Variants in MAOA observed in about 807,000 individuals in gnomAD.
MAOA encodes monoamine oxidase A.
In MAOA, 6 loss-of-function variants were observed where a neutral mutation model predicts 42.0. That is an observed-to-expected ratio of 0.14 (90% CI 0.08 to 0.28). The LOEUF (loss-of-function observed/expected upper bound fraction) is 0.28, where lower values mean the gene tolerates loss of function less well. Among genes scored for constraint, MAOA ranks in the 10% least tolerant of loss-of-function variants. MAOA has a pLI of 1.00. For missense variants in MAOA, 262 were observed against 422.3 expected (o/e 0.62, Z 3.33); for synonymous variants, 140 against 154.0 (o/e 0.91, Z 0.67).
chrX:43,703,480 G>A (rs1442976789), intron 3 of MAOA, among the ~76,000 whole-genome samples: 2 of 111,810 alleles, frequency 1.8e-5, no homozygotes, highest in Non-Finnish European at 3.8e-5. Flanking sequence ...GTGCCCTTTT[G>A]TCCAGAAGGG....
In MAOA at chrX:43,740,702, C is replaced by G. The variant is rs139933657; in HGVS notation, c.1128C>G (p.Leu376=). 1.7e-6 allele frequency: 2 copies of G among 1,191,269 alleles called. No individual in the cohort carries two copies. Among genetic ancestry groups the G allele is most frequent in the African/African-American group, 3.6e-5 (2 of 55,294 alleles). The change falls in exon 11 of 15, where the codon CTC becomes CTG. Residue 376 remains leucine (L), a synonymous_variant. Coordinates refer to ENST00000338702, the MANE Select transcript of MAOA (RefSeq NM_000240.4). The part of the protein sequence containing the change: ...KEIRKKKICE[L]YAKVLGSQEA... Reference sequence around the variant, plus strand: ...ATAGGAAGAAGAAAATCTGTGAGCTCTATGCCAAAGTGCTGGGATCCCAAG... The same window carrying G: ...ATAGGAAGAAGAAAATCTGTGAGCTGTATGCCAAAGTGCTGGGATCCCAAG...
chrX:43,733,063 T>C (rs1270742914), intron 9 of MAOA, among the ~76,000 whole-genome samples: 3 of 111,803 alleles, frequency 2.7e-5, no homozygotes, highest in Admixed American at 1.9e-4. Context: ...GAGGATGGAG[T>C]GAAAAAAAGC....
intron 5 of MAOA, among the ~76,000 whole-genome samples, chrX:43,727,460 G>A (rs1333930941): frequency 1.8e-5 from 2 of 112,204 alleles, no homozygotes. Context: ...TGTTTACACT[G>A]TGAGCATAAA....
intron 1 of MAOA, among the ~76,000 whole-genome samples, chrX:43,670,926 G>C (rs2033326740): frequency 1.9e-5 from 2 of 107,397 alleles, no homozygotes; most frequent in Non-Finnish European, 3.8e-5. Flanking sequence ...CTTTATAGCA[G>C]CATGATTTAT....
intron 1 of MAOA, among the ~76,000 whole-genome samples, chrX:43,672,328 T>C (rs1211849390): frequency 9.0e-6 from 1 of 111,209 alleles, no homozygotes; most frequent in Non-Finnish European, 1.9e-5. Context: ...GCTTATCAGC[T>C]TAAGGAGATT....
At chrX:43,697,639 T>C (rs973521963) in intron 3 of MAOA, among the ~76,000 whole-genome samples, 1 of 112,285 alleles carries the variant, frequency 8.9e-6, no homozygotes, top group African/African-American at 3.2e-5. Flanking sequence ...TCTCACATAC[T>C]TTAACCTTTC....
At chrX:43,714,025 C>T (rs2033718676) in intron 5 of MAOA, among the ~76,000 whole-genome samples, 1 of 109,980 alleles carries the variant, frequency 9.1e-6, no homozygotes, top group Non-Finnish European at 1.9e-5. Context: ...TCGTACCTTC[C>T]AGGAGTAACC....
At chrX:43,683,781 G>T (rs929029207) in intron 2 of MAOA, among the ~76,000 whole-genome samples, 174 bp downstream of exon 2, 4 of 111,282 alleles carry the variant, frequency 3.6e-5, no homozygotes, top group Non-Finnish European at 7.5e-5. Context: ...TAACATGTAC[G>T]CACTGAAGAC....
chrX:43,670,913 T>C (rs1217892337), intron 1 of MAOA, among the ~76,000 whole-genome samples: 4 of 107,712 alleles, frequency 3.7e-5, no homozygotes, highest in Non-Finnish European at 5.7e-5. Flanking sequence ...TGTGTGCATG[T>C]GTCTTTATAG....
At chrX:43,711,079 A>G (rs927137639) in intron 3 of MAOA, among the ~76,000 whole-genome samples, 1 of 111,678 alleles carries the variant, frequency 9.0e-6, no homozygotes, top group African/African-American at 3.3e-5. Flanking sequence ...GAGTCCTCTG[A>G]GAGTGTATGA....
In MAOA at chrX:43,744,100, T is replaced by G. The variant is rs976457052; in HGVS notation, c.1375-9T>G. The G allele has an allele frequency of 8.3e-7, 1 of 1,207,831 alleles. No individual in the cohort carries two copies. Among genetic ancestry groups the G allele is most frequent in the Non-Finnish European group, 1.1e-6 (1 of 892,231 alleles). On this transcript the variant is annotated splice_polypyrimidine_tract_variant and intron_variant, in intron 13 of 14. Coordinates refer to ENST00000338702, the MANE Select transcript of MAOA (RefSeq NM_000240.4). ...CTCTTTTCATAATACCATGGTGACT[T>G]TCTTTCAGGTCTTAAATGGTCTCGG...
At chrX:43,722,678 C>G (rs1160165899) in intron 5 of MAOA, among the ~76,000 whole-genome samples, 2 of 111,887 alleles carry the variant, frequency 1.8e-5, no homozygotes. Context: ...TGTGCCAAAG[C>G]TCTTTAGTTT....
At chrX:43,715,772 G>C (rs916372135) in intron 5 of MAOA, among the ~76,000 whole-genome samples, 8 of 110,811 alleles carry the variant, frequency 7.2e-5, no homozygotes, top group African/African-American at 2.6e-4. Context: ...ACAAGGCCAA[G>C]GGGGGAGACA....
intron 5 of MAOA, among the ~76,000 whole-genome samples, chrX:43,718,819 T>C (rs943307604): frequency 9.1e-6 from 1 of 110,079 alleles, no homozygotes; most frequent in Non-Finnish European, 1.9e-5. Flanking sequence ...GCAGAGAACA[T>C]TGGCTTGTTG....
chrX:43,694,871 G>A (rs1406713972), intron 3 of MAOA, among the ~76,000 whole-genome samples: 1 of 111,693 alleles, frequency 9.0e-6, no homozygotes, highest in Admixed American at 9.5e-5. Flanking sequence ...TGATTATCTT[G>A]GAATCTGTGC....
At chrX:43,728,390 A>G (rs781522867) in intron 6 of MAOA, 76 bp downstream of exon 6, 278 of 1,047,890 alleles carry the variant, frequency 2.7e-4, no homozygotes, top group Non-Finnish European at 3.2e-4. Flanking sequence ...AGTGTCTTTA[A>G]TAGTTGCTTC....
At chrX:43,726,460 G>A (rs1007749916) in intron 5 of MAOA, among the ~76,000 whole-genome samples, 31 of 111,516 alleles carry the variant, frequency 2.8e-4, no homozygotes, top group Admixed American at 1.9e-3. Flanking sequence ...CCACTTGATC[G>A]ATTCGGCTGT....
chrX:43,688,295 T>G (rs1045467199), intron 2 of MAOA, among the ~76,000 whole-genome samples: 1 of 112,094 alleles, frequency 8.9e-6, no homozygotes, highest in Non-Finnish European at 1.9e-5. Context: ...TTGCTTTTTT[T>G]TTCGAGACGG....
chrX:43,687,714 C>G (rs1451616500), intron 2 of MAOA, among the ~76,000 whole-genome samples: 1 of 112,438 alleles, frequency 8.9e-6, no homozygotes, highest in East Asian at 2.8e-4. Flanking sequence ...GTAACACATC[C>G]AACACTAGAC....
Sources: gnomAD v4.1 joint callset for allele counts (sites outside exome capture counted in the v4.1 genomes callset) on GRCh38, gnomAD v4.1.1 for gene constraint, MANE v1.5 for transcripts, NCBI Gene and HGNC (gene_info 2026-07-23, HGNC 2026-07-21) for gene names.